Variants in MDH1B observed in about 807,000 individuals in gnomAD.
MDH1B encodes putative malate dehydrogenase 1B.
A neutral mutation model predicts 61.4 loss-of-function variants in MDH1B; 60 were observed. That is an observed-to-expected ratio of 0.98 (90% CI 0.79 to 1.21). The LOEUF is 1.21. MDH1B is among the 50% of genes most tolerant of loss of function. The pLI is 0.00. For missense variants in MDH1B, 587 were observed against 632.1 expected, an observed-to-expected ratio of 0.93 and a Z score of 0.76; for synonymous variants, 236 against 218.7, an observed-to-expected ratio of 1.08 and a Z score of -0.70.
At chr2:206,749,209 T>A in intron 6 of MDH1B, 26 bp from the exon 7 acceptor site, 1 of 1,606,852 alleles carries the variant, frequency 6.2e-7, no homozygotes, top group Non-Finnish European at 8.5e-7. Context: ...GAAACAATTT[T>A]ACAATGGAGA....
In MDH1B at chr2:206,757,334, C is replaced by T; in HGVS notation, c.173G>A (p.Ser58Asn). 1.2e-6 allele frequency: 2 copies of T among 1,613,882 alleles called. No homozygotes were observed. The highest frequency in any genetic ancestry group is 1.7e-6 in the Non-Finnish European group (2 of 1,179,902). The change falls in exon 3 of 12, where the codon AGT becomes AAT. Residue 58 changes from serine (S) to asparagine (N), a missense_variant. Coordinates refer to ENST00000374412, the MANE Select transcript of MDH1B (RefSeq NM_001039845.3). ...CCAGATGATAGGGGAATTCTTGTGA[C>T]TCCACTTATTCTTTTCACACACATC... is the stretch of plus-strand genomic sequence containing the variant. ...LKDVCEKNKW[S>N]HKNSPIIWRE... is the part of the protein sequence containing the mutation.
At chr2:206,741,852 TC>T (rs544489615) in intron 9 of MDH1B, among the ~76,000 whole-genome samples, 42 of 152,276 alleles carry the variant, frequency 2.8e-4, no homozygotes, top group Non-Finnish European at 5.0e-4. Context: ...TTAGTATGAT[TC>T]GACCTCCAAA....
intron 8 of MDH1B, 31 bp from the exon 9 acceptor site, chr2:206,745,704 T>C (rs1297628659): frequency 6.9e-7 from 1 of 1,455,480 alleles, no homozygotes; most frequent in Non-Finnish European, 9.6e-7. Context: ...CAGAATTAAA[T>C]GACCACAATT....
chr2:206,744,276 T>A (rs1371387770), intron 9 of MDH1B, among the ~76,000 whole-genome samples: 2 of 152,228 alleles, frequency 1.3e-5, no homozygotes, highest in Non-Finnish European at 2.9e-5. Flanking sequence ...CTTGATGGAC[T>A]GCAGGTTCCC....
At chr2:206,749,412 T>A (rs1280937980) in intron 6 of MDH1B, among the ~76,000 whole-genome samples, 1 of 152,180 alleles carries the variant, frequency 6.6e-6, no homozygotes, top group African/African-American at 2.4e-5. Context: ...ACTAAAAATA[T>A]GATACTATAA....
intron 11 of MDH1B, among the ~76,000 whole-genome samples, chr2:206,739,141 C>G (rs1366393698): frequency 2.0e-5 from 3 of 152,124 alleles, no homozygotes; most frequent in Non-Finnish European, 4.4e-5. Flanking sequence ...GCAGGCCAGG[C>G]ACGGTGGCTC....
Position 206,745,617 on chromosome 2 carries a change from C to T in MDH1B, c.1408+5G>A, listed in dbSNP as rs374551653. The T allele has an allele frequency of 3.5e-5, 56 of 1,607,708 alleles. No individual in the cohort carries two copies. In the African/African-American group the frequency reaches 5.9e-4, roughly 17 times the overall value. Reference sequence around the variant, plus strand: ...TCCAATAAAACATCACGTCTAAGAGCTTACCTGATTGGTATGGCTGAAAAT... The same window carrying T: ...TCCAATAAAACATCACGTCTAAGAGTTTACCTGATTGGTATGGCTGAAAAT... On this transcript the variant is annotated splice_donor_5th_base_variant and intron_variant, in intron 9 of 11. Coordinates refer to ENST00000374412, the MANE Select transcript of MDH1B (RefSeq NM_001039845.3).
chr2:206,746,535 T>TCATTATCATTAAA, intron 7 of MDH1B, 109 bp from the exon 8 acceptor site: 1 of 1,167,724 alleles, frequency 8.6e-7, no homozygotes, highest in Non-Finnish European at 1.1e-6. Flanking sequence ...TTTTTAATGA[T>TCATTATCATTAAA]AATGATGGAA....
intron 9 of MDH1B, among the ~76,000 whole-genome samples, chr2:206,743,499 C>A (rs895968547): frequency 6.6e-6 from 1 of 152,144 alleles, no homozygotes; most frequent in African/African-American, 2.4e-5. Context: ...TCTCTCTAGA[C>A]AATCTCCACC....
chr2:206,745,614 G>A lies in MDH1B; in HGVS notation c.1408+8C>T. On this transcript the variant is annotated splice_region_variant and intron_variant, in intron 9 of 11. Transcript: ENST00000374412. ...CAGTCCAATAAAACATCACGTCTAA[G>A]AGCTTACCTGATTGGTATGGCTGAA... The A allele has an allele frequency of 6.2e-7, 1 of 1,606,126 alleles. No homozygotes were observed.
chr2:206,754,859 T>G, intron 5 of MDH1B, 150 bp downstream of exon 5: 1 of 860,056 alleles, frequency 1.2e-6, no homozygotes, highest in Non-Finnish European at 1.7e-6. Flanking sequence ...TGCACAGTAG[T>G]CAAATCACAC....
In MDH1B at chr2:206,765,249, C is replaced by T. The variant is rs1689376978; in HGVS notation, c.22+1G>A. 10 of 1,602,496 alleles carry T rather than the reference C, an allele frequency of 6.2e-6. No homozygotes were observed. Among genetic ancestry groups the T allele is most frequent in the Non-Finnish European group, 8.5e-6 (10 of 1,176,280 alleles). On this transcript the variant is annotated splice_donor_variant, in intron 1 of 11. Transcript: ENST00000374412. LOFTEE classifies it high-confidence loss of function. ...TGCGGGCGGACGCGGGGATCACTCA[C>T]CCGCGATGACGAATTTGGCCATGGT...
chr2:206,752,169 T>C (rs1356712502), intron 5 of MDH1B, among the ~76,000 whole-genome samples: 1 of 152,282 alleles, frequency 6.6e-6, no homozygotes, highest in Admixed American at 6.5e-5. Context: ...AGTATTACCC[T>C]AACACAGTTG....
intron 2 of MDH1B, among the ~76,000 whole-genome samples, chr2:206,760,609 G>A (rs958517914): frequency 1.3e-5 from 2 of 152,144 alleles, no homozygotes; most frequent in African/African-American, 4.8e-5. Context: ...TCAATACCAA[G>A]GAGAATGAAA....
At chr2:206,743,449 C>A (rs956494057) in intron 9 of MDH1B, among the ~76,000 whole-genome samples, 1 of 152,128 alleles carries the variant, frequency 6.6e-6, no homozygotes, top group African/African-American at 2.4e-5. Context: ...TCTACTTAAC[C>A]ATGACAGGCT....
chr2:206,747,023 G>A (rs971835333), intron 7 of MDH1B, among the ~76,000 whole-genome samples: 1 of 151,974 alleles, frequency 6.6e-6, no homozygotes, highest in Non-Finnish European at 1.5e-5. Context: ...ATTTGGATGT[G>A]CTCTAAATAA....
chr2:206,755,961 C>A, intron 4 of MDH1B, among the ~76,000 whole-genome samples: 1 of 149,022 alleles, frequency 6.7e-6, no homozygotes. Context: ...AATTCTTACA[C>A]AGAAAAATCC....
intron 6 of MDH1B, 68 bp downstream of exon 6, chr2:206,750,866 A>C (rs1688394854): frequency 7.8e-7 from 1 of 1,288,192 alleles, no homozygotes; most frequent in African/African-American, 1.5e-5. Flanking sequence ...GAGATGATTT[A>C]AAAGATTACA....
chr2:206,744,151 C>G (rs1441735632), intron 9 of MDH1B, among the ~76,000 whole-genome samples: 1 of 152,202 alleles, frequency 6.6e-6, no homozygotes, highest in Non-Finnish European at 1.5e-5. Flanking sequence ...ATGTACTTTC[C>G]TGCTTCAGAT....
Sources: gnomAD v4.1 joint callset for allele counts (sites outside exome capture counted in the v4.1 genomes callset) on GRCh38, gnomAD v4.1.1 for gene constraint, MANE v1.5 for transcripts, NCBI Gene and HGNC (gene_info 2026-07-23, HGNC 2026-07-21) for gene names.